Variants in STEAP1B observed in about 807,000 individuals in gnomAD.
STEAP1B encodes STEAP family member 1B.
In STEAP1B, 13 loss-of-function variants were observed where a neutral mutation model predicts 27.9. The observed-to-expected ratio is 0.47, with a 90% CI of 0.30 to 0.74. The LOEUF (loss-of-function observed/expected upper bound fraction) is 0.74, where lower values mean the gene tolerates loss of function less well. STEAP1B is among the 30% of genes least tolerant of loss of function. The pLI is 0.06. For synonymous variants in STEAP1B, 86 were observed against 107.1 expected (o/e 0.80, Z 1.22); for missense variants, 250 against 298.7 (o/e 0.84, Z 1.20).
At chr7:22,450,447 T>C (rs1785469460) in intron 4 of STEAP1B, among the ~76,000 whole-genome samples, 1 of 152,214 alleles carries the variant, frequency 6.6e-6, no homozygotes, top group African/African-American at 2.4e-5. Flanking sequence ...TTTCCCAGTA[T>C]ATGTTCTTGG....
At chr7:22,492,507 T>C in intron 4 of STEAP1B, 58 bp downstream of exon 4, 1 of 1,502,222 alleles carries the variant, frequency 6.7e-7, no homozygotes, top group Non-Finnish European at 8.9e-7. Flanking sequence ...CAACATATTC[T>C]ATATCATAAA....
intron 4 of STEAP1B, among the ~76,000 whole-genome samples, chr7:22,474,428 T>C (rs1291692573): frequency 6.6e-6 from 1 of 152,218 alleles, no homozygotes; most frequent in African/African-American, 2.4e-5. Flanking sequence ...CACAGCCTTA[T>C]TTGGAATCTA....
intron 4 of STEAP1B, among the ~76,000 whole-genome samples, chr7:22,423,264 A>T (rs571149381): frequency 6.6e-6 from 1 of 152,342 alleles, no homozygotes; most frequent in South Asian, 2.1e-4. Context: ...TTCCACTCCT[A>T]GGTATCTACT....
At chr7:22,489,854 T>C (rs1786289134) in intron 4 of STEAP1B, among the ~76,000 whole-genome samples, 1 of 152,192 alleles carries the variant, frequency 6.6e-6, no homozygotes, top group Non-Finnish European at 1.5e-5. Flanking sequence ...CCTTGGGCAG[T>C]ATGGCCATTT....
At chr7:22,436,632 G>A (rs760246069) in intron 4 of STEAP1B, among the ~76,000 whole-genome samples, 1 of 150,192 alleles carries the variant, frequency 6.7e-6, no homozygotes, top group East Asian at 1.9e-4. Context: ...ACTTACAAGT[G>A]AGAACATGTG....
chr7:22,434,577 G>C (rs1450861020), intron 4 of STEAP1B, among the ~76,000 whole-genome samples: 1 of 151,666 alleles, frequency 6.6e-6, no homozygotes, highest in African/African-American at 2.4e-5. Context: ...AATAGCTATA[G>C]TTTGCAATAA....
At chr7:22,468,721 T>C (rs1157701045) in intron 4 of STEAP1B, among the ~76,000 whole-genome samples, 2 of 152,242 alleles carry the variant, frequency 1.3e-5, no homozygotes, top group Non-Finnish European at 2.9e-5. Context: ...TGCATAATGA[T>C]GTTCAGACAA....
At chr7:22,462,950 T>A (rs930082393) in intron 4 of STEAP1B, among the ~76,000 whole-genome samples, 21 of 152,222 alleles carry the variant, frequency 1.4e-4, no homozygotes, top group African/African-American at 3.4e-4. Flanking sequence ...AGTATCTCAT[T>A]GCGGTTTTGA....
chr7:22,461,435 G>A (rs543649226), intron 4 of STEAP1B, among the ~76,000 whole-genome samples: 21 of 152,144 alleles, frequency 1.4e-4, no homozygotes, highest in South Asian at 4.2e-4. Context: ...GCTAATTTTC[G>A]TATTTTTAGT....
At chr7:22,460,281 T>C (rs1490840943) in intron 4 of STEAP1B, among the ~76,000 whole-genome samples, 7 of 150,410 alleles carry the variant, frequency 4.7e-5, no homozygotes, top group South Asian at 2.1e-4. Flanking sequence ...TGAGCTATGA[T>C]TGTACCACTG....
intron 4 of STEAP1B, among the ~76,000 whole-genome samples, chr7:22,422,487 T>C (rs1221830712): frequency 6.8e-6 from 1 of 146,538 alleles, no homozygotes; most frequent in Admixed American, 7.1e-5. Context: ...ACTTGCTTAT[T>C]TGTGTAATTT....
At chr7:22,429,386 A>G (rs890159909) in intron 4 of STEAP1B, among the ~76,000 whole-genome samples, 1 of 152,238 alleles carries the variant, frequency 6.6e-6, no homozygotes, top group Non-Finnish European at 1.5e-5. Flanking sequence ...AATGAACCTC[A>G]CATCATGTTG....
chr7:22,492,405 T>C lies in STEAP1B; in HGVS notation c.762+160A>G, dbSNP rs1352664294. ...AAACACTTGTCCTAATTAGAAGCAA[T>C]AGGGAAAACAACAGGAGAGCACATT... On this transcript the variant is annotated intron_variant, in intron 4 of 4. Coordinates refer to ENST00000678116, the MANE Select transcript of STEAP1B (RefSeq NM_001382447.1). 22 of 905,732 alleles carry C rather than the reference T, an allele frequency of 2.4e-5. No individual in the cohort carries two copies. In the East Asian group the frequency reaches 6.3e-4, roughly 26 times the overall value. 56.1% of individuals were successfully genotyped at this position (905,732 alleles called of 1,614,324 possible).
intron 1 of STEAP1B, among the ~76,000 whole-genome samples, chr7:22,498,545 G>T (rs2390656): frequency 6.6e-6 from 1 of 152,206 alleles, no homozygotes; most frequent in Non-Finnish European, 1.5e-5. Context: ...TATGAATTCA[G>T]TAACTATATT....
intron 4 of STEAP1B, among the ~76,000 whole-genome samples, chr7:22,473,793 T>C (rs1265007888): frequency 6.6e-6 from 1 of 152,146 alleles, no homozygotes; most frequent in Admixed American, 6.5e-5. Context: ...GACTCCCGAG[T>C]GCCTCTGTAG....
intron 4 of STEAP1B, among the ~76,000 whole-genome samples, chr7:22,448,083 A>G (rs1785433756): frequency 6.6e-6 from 1 of 152,208 alleles, no homozygotes; most frequent in South Asian, 2.1e-4. Context: ...TTATTCATCT[A>G]TGGTTTATCA....
At chr7:22,444,935 T>C (rs2128402890) in intron 4 of STEAP1B, among the ~76,000 whole-genome samples, 1 of 152,318 alleles carries the variant, frequency 6.6e-6, no homozygotes, top group Non-Finnish European at 1.5e-5. Flanking sequence ...GGTGTGCATT[T>C]GCTGTCACCA....
chr7:22,454,863 ATATTTTTT>A (rs1286421591), intron 4 of STEAP1B, among the ~76,000 whole-genome samples: 1 of 75,118 alleles, frequency 1.3e-5, no homozygotes, highest in Non-Finnish European at 2.8e-5. Context: ...ATATATATAT[ATATTTTTT>A]TTTTTTTTTG....
chr7:22,480,685 C>T lies in STEAP1B; in HGVS notation c.762+11880G>A, dbSNP rs370278534. 2.6e-5 allele frequency among the ~76,000 whole-genome samples: 4 copies of T among 152,322 alleles called. No individual in the cohort carries two copies. In the East Asian group the frequency reaches 7.7e-4, roughly 29 times the overall value. On this transcript the variant is annotated intron_variant, in intron 4 of 4. Coordinates refer to ENST00000678116, the MANE Select transcript of STEAP1B (RefSeq NM_001382447.1). ...CCAATCATGCTATGGTGTTTCCCTC[C>T]GTTTTCCCAGTGCTGATGTGCCTTT...
Sources: allele counts gnomAD v4.1 joint callset (sites outside exome capture counted in the v4.1 genomes callset), GRCh38; gene constraint gnomAD v4.1.1; transcripts MANE v1.5; gene names NCBI Gene and HGNC (gene_info 2026-07-23, HGNC 2026-07-21).